UNC5A: variants seen among roughly 807,000 people sequenced by gnomAD.
UNC5A encodes the protein unc-5 netrin receptor A, also known as netrin receptor UNC5A.
In UNC5A, 20 loss-of-function variants were observed where a neutral mutation model predicts 87.4. The observed-to-expected ratio is 0.23, with a 90% CI of 0.16 to 0.33. The LOEUF (loss-of-function observed/expected upper bound fraction) is 0.33, where lower values mean the gene tolerates loss of function less well. Ranked by LOEUF, UNC5A falls within the 10% of genes least tolerant of loss-of-function variation. The pLI is 1.00. For synonymous variants in UNC5A, 438 were observed against 482.3 expected, an observed-to-expected ratio of 0.91 and a Z score of 1.20; for missense variants, 844 against 1,133.4, an observed-to-expected ratio of 0.74 and a Z score of 3.67.
rs932921623 is a variant in UNC5A, at chr5:176,865,436, C to T, written c.292+2591C>T. Reference sequence around the variant, plus strand: ...GAGCCCCTGGCCCACACTCCCCAGCCGGCTCCTGTGGCCCTGTTCTCTTCC... The same window carrying T: ...GAGCCCCTGGCCCACACTCCCCAGCTGGCTCCTGTGGCCCTGTTCTCTTCC... On this transcript the variant is annotated intron_variant, in intron 2 of 14. Coordinates refer to ENST00000329542, the MANE Select transcript of UNC5A (RefSeq NM_133369.3). This position sits in a 1 kb window ranked among gnomAD's most constrained non-coding sequence, Gnocchi z 5.3. 9 of 363,736 alleles carry T rather than the reference C, an allele frequency of 2.5e-5. No individual in the cohort carries two copies. The highest frequency in any genetic ancestry group is 8.1e-5 in the South Asian group (4 of 49,112). 22.5% of individuals were successfully genotyped at this position (363,736 alleles called of 1,614,324 possible). A position where few individuals can be genotyped will look rare whatever the true frequency, so the allele number is the denominator to read the frequency against.
chr5:176,833,441 C>G (rs1034344715), intron 1 of UNC5A, among the ~76,000 whole-genome samples: 3 of 152,256 alleles, frequency 2.0e-5, no homozygotes, highest in African/African-American at 7.2e-5. Context: ...TGGCCTCCGG[C>G]TGCATCCATG....
At chr5:176,836,557 G>A (rs1179653451) in intron 1 of UNC5A, among the ~76,000 whole-genome samples, 1 of 151,950 alleles carries the variant, frequency 6.6e-6, no homozygotes, top group African/African-American at 2.4e-5. Context: ...AAAGAGTTGC[G>A]ATGAGAAGGG....
At chr5:176,845,199 CCCTGTCCT>C (rs1757375413) in intron 1 of UNC5A, among the ~76,000 whole-genome samples, 2 of 152,184 alleles carry the variant, frequency 1.3e-5, no homozygotes, top group South Asian at 4.1e-4. Flanking sequence ...TCAGGCAGCT[CCCTGTCCT>C]CCTGTGACGA....
intron 1 of UNC5A, among the ~76,000 whole-genome samples, chr5:176,830,957 G>A (rs893525332): frequency 1.6e-4 from 22 of 140,326 alleles, no homozygotes; most frequent in African/African-American, 4.9e-4. Flanking sequence ...TGTATGTGCC[G>A]GCGTGTGTGT....
chr5:176,864,683 C>T, intron 2 of UNC5A: 3 of 356,486 alleles, frequency 8.4e-6, no homozygotes, highest in South Asian at 6.1e-5. Flanking sequence ...CGTCTCAGTG[C>T]CTTGGCCTGA....
chr5:176,834,509 A>G (rs1757101238), intron 1 of UNC5A, among the ~76,000 whole-genome samples: 1 of 152,212 alleles, frequency 6.6e-6, no homozygotes, highest in Non-Finnish European at 1.5e-5. Flanking sequence ...CCAGGAAAGG[A>G]CGAAAAAGAG....
At chr5:176,812,219 G>T (rs576491742) in intron 1 of UNC5A, among the ~76,000 whole-genome samples, 1 of 152,146 alleles carries the variant, frequency 6.6e-6, no homozygotes, top group African/African-American at 2.4e-5. Context: ...GTGCAGCTCC[G>T]CAGATGAGCA....
intron 1 of UNC5A, among the ~76,000 whole-genome samples, chr5:176,831,056 C>G (rs984370630): frequency 6.6e-6 from 1 of 152,002 alleles, no homozygotes; most frequent in Non-Finnish European, 1.5e-5. Flanking sequence ...CACAGAAGCC[C>G]GTTCCTCATC....
At chr5:176,859,074 C>T (rs867648642) in intron 1 of UNC5A, among the ~76,000 whole-genome samples, 2 of 150,506 alleles carry the variant, frequency 1.3e-5, no homozygotes, top group East Asian at 1.9e-4. Context: ...CCCACCCATG[C>T]CCTTGCTAGA....
At chr5:176,817,190 G>T (rs1756609700) in intron 1 of UNC5A, among the ~76,000 whole-genome samples, 1 of 148,842 alleles carries the variant, frequency 6.7e-6, no homozygotes, top group African/African-American at 2.5e-5. Context: ...CCAGAGCCGG[G>T]CCTCTCCCAC....
rs751379170 is a variant in UNC5A, at chr5:176,877,174, C to T, written c.1379-18C>T. 5.6e-6 allele frequency: 9 copies of T among 1,599,052 alleles called. No individual in the cohort carries two copies. Among genetic ancestry groups the T allele is most frequent in the Non-Finnish European group, 7.7e-6 (9 of 1,167,632 alleles). Reference sequence around the variant, plus strand: ...CTTTGGCAGTGGGTAAGCCCTGGCCCTCTTCCTGCCGTTCCAGGAATCAGC... The same window carrying T: ...CTTTGGCAGTGGGTAAGCCCTGGCCTTCTTCCTGCCGTTCCAGGAATCAGC... On this transcript the variant is annotated intron_variant, in intron 8 of 14. Coordinates refer to ENST00000329542, the MANE Select transcript of UNC5A (RefSeq NM_133369.3).
chr5:176,842,596 A>C (rs1757303260), intron 1 of UNC5A, among the ~76,000 whole-genome samples: 1 of 152,124 alleles, frequency 6.6e-6, no homozygotes, highest in Non-Finnish European at 1.5e-5. Flanking sequence ...AAGTGAAGGA[A>C]CTCAGGAATG....
chr5:176,823,985 T>C (rs520330), intron 1 of UNC5A, among the ~76,000 whole-genome samples: 12,389 of 152,216 alleles, frequency 0.081, 953 homozygotes, highest in African/African-American at 0.2. Context: ...CTGTCAGTTA[T>C]GAGAACCCAG....
chr5:176,861,186 G>T (rs965039968), intron 1 of UNC5A, among the ~76,000 whole-genome samples: 1 of 152,224 alleles, frequency 6.6e-6, no homozygotes, highest in African/African-American at 2.4e-5. Flanking sequence ...GCAGCCCTTT[G>T]CTGTGGAACA....
At chr5:176,847,619 C>T (rs1388871472) in intron 1 of UNC5A, among the ~76,000 whole-genome samples, 1 of 152,036 alleles carries the variant, frequency 6.6e-6, no homozygotes, top group Non-Finnish European at 1.5e-5. Context: ...TTAGCTGCAG[C>T]GATAACAGCA....
chr5:176,866,128 C>T lies in UNC5A; in HGVS notation c.293-2002C>T, dbSNP rs1757969669. Among the ~76,000 whole-genome samples the T allele has an allele frequency of 6.6e-6, 1 of 152,192 alleles. No homozygotes were observed. Among genetic ancestry groups the T allele is most frequent in the African/African-American group, 2.4e-5 (1 of 41,430 alleles). ...CAGGCCCACTGGCCCGGGGTCCCTC[C>T]CCAGGGCTGGCACCTGCTCACACTT... On this transcript the variant is annotated intron_variant, in intron 2 of 14. Transcript: ENST00000329542. The surrounding 1 kb of genome is among the most constrained non-coding windows in gnomAD (Gnocchi z 5.0).
intron 1 of UNC5A, among the ~76,000 whole-genome samples, chr5:176,812,897 G>C (rs1756499146): frequency 6.6e-6 from 1 of 152,182 alleles, no homozygotes; most frequent in Non-Finnish European, 1.5e-5. Context: ...GGCTGGCCCT[G>C]CCGTGACCCG....
chr5:176,832,888 G>A (rs1012267221), intron 1 of UNC5A, among the ~76,000 whole-genome samples: 2 of 152,214 alleles, frequency 1.3e-5, no homozygotes, highest in African/African-American at 2.4e-5. Flanking sequence ...GACTGACGAG[G>A]CCATGACAGG....
chr5:176,874,497 C>G lies in UNC5A; in HGVS notation c.1309C>G (p.Arg437Gly), dbSNP rs1758213825. 1.2e-6 allele frequency: 2 copies of G among 1,609,804 alleles called. No individual in the cohort carries two copies. Among genetic ancestry groups the G allele is most frequent in the African/African-American group, 2.7e-5 (2 of 74,852 alleles). ...STQNYFRSLP[R>G]GTSNMTYGTF... The stretch of plus-strand genomic sequence containing the variant: ...CCAGAACTACTTCCGCTCCCTGCCC[C>G]GAGGCACCAGCAACATGACCTATGG... The change falls in exon 8 of 15, where the codon CGA becomes GGA. Residue 437 changes from arginine (R) to glycine (G), a missense_variant. By Grantham distance (125) the Arg-to-Gly change is moderately radical. Coordinates refer to ENST00000329542, the MANE Select transcript of UNC5A (RefSeq NM_133369.3). This position sits in a 1 kb window ranked among gnomAD's most constrained non-coding sequence, Gnocchi z 7.6.
Sources: allele counts gnomAD v4.1 joint callset (sites outside exome capture counted in the v4.1 genomes callset), GRCh38; gene constraint gnomAD v4.1.1; non-coding constraint Gnocchi (gnomAD v3.1); transcripts MANE v1.5; gene names NCBI Gene and HGNC (gene_info 2026-07-23, HGNC 2026-07-21).